EEF2K: variants seen among roughly 807,000 people sequenced by gnomAD.
The protein encoded by EEF2K is alternative protein EEF2K.
A neutral mutation model predicts 93.8 loss-of-function variants in EEF2K; 70 were observed. The ratio of observed to expected loss-of-function variants is 0.75; its 90% CI spans 0.62 to 0.91. The LOEUF (loss-of-function observed/expected upper bound fraction) is 0.91, where lower values mean the gene tolerates loss of function less well. Among genes scored for constraint, EEF2K ranks in the 40% least tolerant of loss-of-function variants. The pLI is 0.00. For missense variants in EEF2K, 935 were observed against 972.9 expected (o/e 0.96, Z 0.52); for synonymous variants, 376 against 380.8 (o/e 0.99, Z 0.15).
At chr16:22,216,468 C>T (rs542717658) in intron 1 of EEF2K, among the ~76,000 whole-genome samples, 1 of 152,232 alleles carries the variant, frequency 6.6e-6, no homozygotes, top group Non-Finnish European at 1.5e-5. Context: ...AGATAAGTAG[C>T]TCTTCTGCTT....
At chr16:22,227,944 A>G (rs1254555233) in intron 2 of EEF2K, among the ~76,000 whole-genome samples, 1 of 151,784 alleles carries the variant, frequency 6.6e-6, no homozygotes, top group Non-Finnish European at 1.5e-5. Context: ...TAAAGAAAAA[A>G]AAAAAGAAAA....
intron 1 of EEF2K, among the ~76,000 whole-genome samples, chr16:22,215,213 G>T (rs911452168): frequency 3.3e-5 from 5 of 152,172 alleles, no homozygotes; most frequent in South Asian, 4.1e-4. Context: ...GGGTTGCAAA[G>T]GGAGTAGCCT....
At chr16:22,275,856 G>A (rs779279763) in intron 16 of EEF2K, among the ~76,000 whole-genome samples, 8 of 151,500 alleles carry the variant, frequency 5.3e-5, no homozygotes, top group Non-Finnish European at 1.0e-4. Flanking sequence ...GGCCAGGCTT[G>A]ACTTGAACTC....
chr16:22,258,732 A>G (rs1289893813), intron 10 of EEF2K, 37 bp downstream of exon 10: 4 of 1,612,818 alleles, frequency 2.5e-6, no homozygotes, highest in East Asian at 2.2e-5. Flanking sequence ...CTGTGATTGG[A>G]GGGGACAGGT....
chr16:22,263,278 A>T, intron 12 of EEF2K, 91 bp downstream of exon 12: 2 of 1,175,380 alleles, frequency 1.7e-6, no homozygotes, highest in Non-Finnish European at 2.4e-6. Flanking sequence ...GAGGGGGAAT[A>T]TGAGTGGGTC....
intron 2 of EEF2K, among the ~76,000 whole-genome samples, chr16:22,239,510 C>T (rs925934337): frequency 1.3e-5 from 2 of 152,144 alleles, no homozygotes; most frequent in African/African-American, 4.8e-5. Flanking sequence ...GAGACTGGTG[C>T]TTTAAGTTAC....
chr16:22,231,814 A>G (rs1267209102), intron 2 of EEF2K, among the ~76,000 whole-genome samples: 1 of 151,506 alleles, frequency 6.6e-6, no homozygotes, highest in African/African-American at 2.4e-5. Flanking sequence ...ACATGGTGAT[A>G]CCCTGTCACT....
intron 17 of EEF2K, 59 bp from the exon 18 acceptor site, chr16:22,283,828 T>A (rs963494515): frequency 4.6e-6 from 7 of 1,514,960 alleles, no homozygotes; most frequent in Non-Finnish European, 6.3e-6. Flanking sequence ...TGGGGGACAC[T>A]GGGCTGGCAA....
chr16:22,235,946 C>T (rs367809729), intron 2 of EEF2K, among the ~76,000 whole-genome samples: 3 of 152,090 alleles, frequency 2.0e-5, no homozygotes, highest in South Asian at 2.1e-4. Flanking sequence ...TAAAGGCATG[C>T]GCCATCACGC....
In EEF2K at chr16:22,282,138, CAGTG is replaced by C. The variant is rs1316333207; in HGVS notation, c.2069-1746_2069-1743del. ...AATTAACTGAGTGTGGTGGCACACT[CAGTG>C]AGCTATGATCATACCACCGCACTTC... On this transcript the variant is annotated intron_variant, in intron 17 of 17. Coordinates refer to ENST00000263026, the MANE Select transcript of EEF2K (RefSeq NM_013302.5). Among the ~76,000 whole-genome samples the C allele has an allele frequency of 5.9e-5, 9 of 152,182 alleles. No individual in the cohort carries two copies. In the East Asian group the frequency reaches 1.7e-3, roughly 29 times the overall value.
intron 2 of EEF2K, among the ~76,000 whole-genome samples, chr16:22,228,217 A>G (rs1726064665): frequency 6.6e-6 from 1 of 152,144 alleles, no homozygotes; most frequent in African/African-American, 2.4e-5. Context: ...CTCTGTTGCC[A>G]CATTCCAGGA....
In EEF2K at chr16:22,257,630, G is replaced by T. The variant is rs751456609; in HGVS notation, c.902-13G>T. 4 of 1,611,494 alleles carry T rather than the reference G, an allele frequency of 2.5e-6. No homozygotes were observed. Among genetic ancestry groups the T allele is most frequent in the Middle Eastern group, 1.7e-4 (1 of 6,060 alleles). On this transcript the variant is annotated splice_polypyrimidine_tract_variant and intron_variant, in intron 8 of 17. Transcript: ENST00000263026. ...GCAAAGCAACACTCCAGACACCCCCGCTCTGTCCACAGGTGTCCGCGGGAT... is the reference window on the plus strand; with the variant it reads ...GCAAAGCAACACTCCAGACACCCCCTCTCTGTCCACAGGTGTCCGCGGGAT...
chr16:22,283,753 G>T (rs2047722601), intron 17 of EEF2K, 134 bp from the exon 18 acceptor site: 2 of 813,950 alleles, frequency 2.5e-6, no homozygotes, highest in Admixed American at 4.7e-5. Flanking sequence ...CACCTGGAGG[G>T]AGAGGGCACA....
At chr16:22,238,741 A>G (rs2047193389) in intron 2 of EEF2K, among the ~76,000 whole-genome samples, 1 of 151,788 alleles carries the variant, frequency 6.6e-6, no homozygotes, top group Admixed American at 6.6e-5. Flanking sequence ...GGTGATAGGA[A>G]TGGCTGGGTC....
At chr16:22,214,849 A>G (rs1306513525) in intron 1 of EEF2K, among the ~76,000 whole-genome samples, 1 of 152,218 alleles carries the variant, frequency 6.6e-6, no homozygotes, top group Non-Finnish European at 1.5e-5. Flanking sequence ...GAATTGGACA[A>G]AACACACGAA....
intron 15 of EEF2K, among the ~76,000 whole-genome samples, chr16:22,267,278 C>T (rs1288975622): frequency 2.6e-5 from 4 of 151,952 alleles, no homozygotes; most frequent in African/African-American, 7.3e-5. Context: ...GGTAGAGATT[C>T]GTAGAATGAA....
intron 1 of EEF2K, among the ~76,000 whole-genome samples, chr16:22,217,216 TAG>T (rs1598161469): frequency 3.4e-5 from 4 of 118,148 alleles, no homozygotes; most frequent in Non-Finnish European, 6.7e-5. Flanking sequence ...GTGATATATA[TAG>T]ATAGATAGAT....
chr16:22,220,482 G>T (rs1384941622), intron 1 of EEF2K, among the ~76,000 whole-genome samples: 1 of 151,660 alleles, frequency 6.6e-6, no homozygotes, highest in Non-Finnish European at 1.5e-5. Flanking sequence ...ATGAGGTCTT[G>T]CTCTGTTGCC....
At chr16:22,266,348 A>G (rs1567285336) in intron 13 of EEF2K, 42 bp from the exon 14 acceptor site, 1 of 1,580,756 alleles carries the variant, frequency 6.3e-7, no homozygotes, top group Non-Finnish European at 8.6e-7. Context: ...TGCTGCGTCC[A>G]CCCCCAGCCC....
Sources: allele counts gnomAD v4.1 joint callset (sites outside exome capture counted in the v4.1 genomes callset), GRCh38; gene constraint gnomAD v4.1.1; transcripts MANE v1.5; gene names NCBI Gene and HGNC (gene_info 2026-07-23, HGNC 2026-07-21).